SNX29: variants seen among roughly 807,000 people sequenced by gnomAD.
The protein encoded by SNX29 is sorting nexin-29.
In SNX29, 78 loss-of-function variants were observed where a neutral mutation model predicts 102.1. The observed-to-expected ratio is 0.76, with a 90% CI of 0.64 to 0.92. SNX29 has a LOEUF of 0.92. Ranked by LOEUF, SNX29 falls within the 40% of genes least tolerant of loss-of-function variation. The pLI is 0.00. For synonymous variants in SNX29, 580 were observed against 414.5 expected, an observed-to-expected ratio of 1.40 and a Z score of -4.85; for missense variants, 1,280 against 1,061.7, an observed-to-expected ratio of 1.21 and a Z score of -2.86.
intron 18 of SNX29, among the ~76,000 whole-genome samples, chr16:12,418,461 C>A (rs1000275134): frequency 3.3e-5 from 5 of 151,686 alleles, no homozygotes; most frequent in African/African-American, 9.7e-5. Context: ...CTTAGGGTTT[C>A]TGGGCATGGT....
At chr16:12,356,344 A>T (rs1432905976) in intron 16 of SNX29, 65 bp downstream of exon 16, 2 of 1,392,048 alleles carry the variant, frequency 1.4e-6, no homozygotes, top group Non-Finnish European at 2.0e-6. Flanking sequence ...GTAGAAAAGC[A>T]CAGAGACTCA....
At chr16:12,509,571 T>C (rs2089518538) in intron 19 of SNX29, among the ~76,000 whole-genome samples, 1 of 152,198 alleles carries the variant, frequency 6.6e-6, no homozygotes, top group South Asian at 2.1e-4. Context: ...TAAACAGGTG[T>C]GGGCAAGAAA....
At chr16:12,223,422 G>A (rs1223124800) in intron 14 of SNX29, among the ~76,000 whole-genome samples, 1 of 152,210 alleles carries the variant, frequency 6.6e-6, no homozygotes, top group African/African-American at 2.4e-5. Context: ...AGCACTTTGG[G>A]AGGCTGAGGA....
chr16:12,308,064 C>G (rs897537150), intron 15 of SNX29, among the ~76,000 whole-genome samples: 2 of 152,238 alleles, frequency 1.3e-5, no homozygotes, highest in African/African-American at 4.8e-5. Context: ...CAGGGTCTAC[C>G]TCAGCTCTGG....
At chr16:12,555,466 C>G (rs373574568) in intron 20 of SNX29, among the ~76,000 whole-genome samples, 52 of 151,974 alleles carry the variant, frequency 3.4e-4, no homozygotes, top group African/African-American at 1.1e-3. Flanking sequence ...CCCTAGTTGA[C>G]ATGTCTGAGG....
At position 12,115,485 on chromosome 16, in the gene SNX29, T is replaced by TTTTGTGTGTG. The variant is rs369070216; in HGVS notation, c.1403-11147_1403-11146insTTGTGTGTGT. Reference sequence around the variant, plus strand: ...TGCCCCTGGGTTGCTCCACCTTGATTTGTGTGTGTGTGTGTGTGTGTGTGT... The same window carrying TTTTGTGTGTG: ...TGCCCCTGGGTTGCTCCACCTTGATTTTTGTGTGTGTGTGTGTGTGTGTGTGTGTGTGTGT... On this transcript the variant is annotated intron_variant, in intron 11 of 20. Coordinates refer to ENST00000566228, the MANE Select transcript of SNX29 (RefSeq NM_032167.5). 3.2e-3 allele frequency among the ~76,000 whole-genome samples: 450 copies of TTTTGTGTGTG among 141,964 alleles called. 3 individuals carry two copies. The highest frequency in any genetic ancestry group is 0.011 in the African/African-American group (425 of 37,690). The allele number at this position is 141,964 out of a possible 152,430, so 93.1% of individuals were successfully genotyped here. A position where few individuals can be genotyped will look rare whatever the true frequency, so the allele number is the denominator to read the frequency against.
chr16:12,528,972 TCA>T (rs1002071735), intron 20 of SNX29, among the ~76,000 whole-genome samples: 2 of 152,216 alleles, frequency 1.3e-5, no homozygotes, highest in Non-Finnish European at 1.5e-5. Flanking sequence ...GAACCTGCTT[TCA>T]CACACACTCT....
intron 13 of SNX29, among the ~76,000 whole-genome samples, chr16:12,167,515 T>C (rs1051313930): frequency 1.1e-4 from 16 of 152,328 alleles, no homozygotes; most frequent in African/African-American, 3.8e-4. Context: ...ATCATCATCA[T>C]AGTAGCCACC....
intron 18 of SNX29, among the ~76,000 whole-genome samples, chr16:12,417,654 C>T: frequency 6.6e-6 from 1 of 151,782 alleles, no homozygotes; most frequent in Non-Finnish European, 1.5e-5. Context: ...TGTCATTTCC[C>T]TCTTCCCTTC....
chr16:12,137,623 C>T (rs1341412405), intron 13 of SNX29, among the ~76,000 whole-genome samples: 1 of 152,190 alleles, frequency 6.6e-6, no homozygotes, highest in Non-Finnish European at 1.5e-5. Flanking sequence ...CTTTAAATCT[C>T]ACACTCCACC....
At chr16:12,526,728 G>T in intron 20 of SNX29, 1 of 464,800 alleles carries the variant, frequency 2.2e-6, no homozygotes, top group Non-Finnish European at 4.1e-6. Flanking sequence ...AGATACTCCT[G>T]ATGCTGAGAG....
At chr16:12,398,595 C>A in intron 17 of SNX29, 94 bp downstream of exon 17, 1 of 1,397,550 alleles carries the variant, frequency 7.2e-7, no homozygotes, top group Non-Finnish European at 1.0e-6. Flanking sequence ...AAACAGAAAT[C>A]ACTGTTGAGA....
Position 12,156,361 on chromosome 16 carries a change from A to G in SNX29, c.1595+26603A>G, listed in dbSNP as rs1399685496. On this transcript the variant is annotated intron_variant, in intron 13 of 20. Transcript: ENST00000566228. ...GTGAATTTTTGTATGTTTGGTAGAG[A>G]TGGTGTTTTGCCATGTTGGCCAGGA... is the stretch of plus-strand genomic sequence containing the variant. 2.6e-5 allele frequency among the ~76,000 whole-genome samples: 4 copies of G among 152,172 alleles called. No individual in the cohort carries two copies. In the East Asian group the frequency reaches 7.8e-4, roughly 29 times the overall value.
chr16:12,565,004 C>G (rs900114646), intron 20 of SNX29, among the ~76,000 whole-genome samples: 2 of 151,918 alleles, frequency 1.3e-5, no homozygotes, highest in East Asian at 1.9e-4. Context: ...GCCCATGTCT[C>G]TACTGTTGGA....
In SNX29 at chr16:12,568,745, A is replaced by C. The variant is rs1426497348; in HGVS notation, c.*116A>C. The C allele has an allele frequency of 7.0e-6, 10 of 1,429,260 alleles. No homozygotes were observed. The highest frequency in any genetic ancestry group is 2.8e-5 in the African/African-American group (2 of 70,206). 88.5% of individuals were successfully genotyped at this position (1,429,260 alleles called of 1,614,324 possible). Reference sequence around the variant, plus strand: ...ACCACGTCCACCTGGTGATCCTGAGAGCACACGATTCCCAACAGTTACACA... The same window carrying C: ...ACCACGTCCACCTGGTGATCCTGAGCGCACACGATTCCCAACAGTTACACA... On this transcript the variant is annotated 3_prime_UTR_variant, in exon 21 of 21. Coordinates refer to ENST00000566228, the MANE Select transcript of SNX29 (RefSeq NM_032167.5).
intron 18 of SNX29, among the ~76,000 whole-genome samples, chr16:12,469,838 C>G (rs946650434): frequency 1.9e-4 from 29 of 152,210 alleles, no homozygotes; most frequent in Non-Finnish European, 2.6e-4. Flanking sequence ...TGGTGAAACC[C>G]CGTCTCTACT....
intron 19 of SNX29, 21 bp from the exon 20 acceptor site, chr16:12,524,681 A>G: frequency 6.2e-7 from 1 of 1,611,156 alleles, no homozygotes; most frequent in East Asian, 2.2e-5. Context: ...ACCAAAGCGA[A>G]GATGTTTTGT....
In SNX29 at chr16:12,477,744, A is replaced by T. The variant is rs777595713; in HGVS notation, c.2063A>T (p.Glu688Val). ...GTCTACATCCGGATAAAAGACGATG[A>T]ATGGAATATTTATCGCCGGTATACA... ...YQVYIRIKDD[E>V]WNIYRRYTEF... The change falls in exon 19 of 21, where the codon GAA becomes GTA. Residue 688 changes from glutamate (E) to valine (V), a missense_variant. By Grantham distance (121) the Glu-to-Val change is moderately radical. Transcript: ENST00000566228. 1.2e-6 allele frequency: 2 copies of T among 1,612,662 alleles called. No individual in the cohort carries two copies. Among genetic ancestry groups the T allele is most frequent in the Non-Finnish European group, 1.7e-6 (2 of 1,179,584 alleles).
intron 3 of SNX29, among the ~76,000 whole-genome samples, chr16:12,020,169 C>CTAAA (rs931892162): frequency 6.6e-6 from 1 of 151,570 alleles, no homozygotes; most frequent in African/African-American, 2.4e-5. Context: ...GTCACCCATG[C>CTAAA]TAAAGTGCAG....
Sources: gnomAD v4.1 joint callset for allele counts (sites outside exome capture counted in the v4.1 genomes callset) on GRCh38, gnomAD v4.1.1 for gene constraint, MANE v1.5 for transcripts, NCBI Gene and HGNC (gene_info 2026-07-23, HGNC 2026-07-21) for gene names.